The following UNC5C variants were observed in gnomAD, a reference collection of about 807,000 sequenced individuals.
UNC5C encodes the protein netrin receptor UNC5C.
UNC5C carries 47 observed loss-of-function variants against 99.8 expected under a neutral mutation model. The ratio of observed to expected loss-of-function variants is 0.47; its 90% CI spans 0.37 to 0.60. The LOEUF (loss-of-function observed/expected upper bound fraction) is 0.60. Ranked by LOEUF, UNC5C falls within the 20% of genes least tolerant of loss-of-function variation. The pLI, the probability that UNC5C is intolerant of heterozygous loss-of-function variation, is 0.00. For missense variants in UNC5C, 1,062 were observed against 1,165.9 expected, an observed-to-expected ratio of 0.91 and a Z score of 1.30; for synonymous variants, 487 against 452.2, an observed-to-expected ratio of 1.08 and a Z score of -0.98.
At chr4:95,462,755 A>G (rs1251477627) in intron 1 of UNC5C, among the ~76,000 whole-genome samples, 1 of 152,198 alleles carries the variant, frequency 6.6e-6, no homozygotes, top group Non-Finnish European at 1.5e-5. Context: ...AGTGTATTCA[A>G]ATAACTAACA....
At chr4:95,214,677 T>A (rs1166853447) in intron 10 of UNC5C, among the ~76,000 whole-genome samples, 1 of 152,204 alleles carries the variant, frequency 6.6e-6, no homozygotes, top group African/African-American at 2.4e-5. Flanking sequence ...TCAGGCATCT[T>A]ACTGTTTCTC....
At chr4:95,416,262 G>A (rs1309921692) in intron 1 of UNC5C, among the ~76,000 whole-genome samples, 1 of 152,082 alleles carries the variant, frequency 6.6e-6, no homozygotes, top group Non-Finnish European at 1.5e-5. Flanking sequence ...AAGAATACAG[G>A]CTAAATAAGA....
intron 1 of UNC5C, among the ~76,000 whole-genome samples, chr4:95,428,477 C>T (rs760335941): frequency 3.3e-5 from 5 of 152,060 alleles, no homozygotes; most frequent in Non-Finnish European, 5.9e-5. Context: ...ATGCAATTAT[C>T]CAGAAACATG....
At chr4:95,463,870 T>C (rs990145628) in intron 1 of UNC5C, among the ~76,000 whole-genome samples, 57 of 152,300 alleles carry the variant, frequency 3.7e-4, no homozygotes, top group East Asian at 3.9e-4. Context: ...GCAAAAGATA[T>C]GTGAACACAA....
At chr4:95,268,897 C>T (rs948025217) in intron 4 of UNC5C, among the ~76,000 whole-genome samples, 1 of 152,100 alleles carries the variant, frequency 6.6e-6, no homozygotes, top group African/African-American at 2.4e-5. Flanking sequence ...GAGATTTAGC[C>T]TAGAATCCTT....
At chr4:95,376,392 A>G (rs1744896887) in intron 1 of UNC5C, among the ~76,000 whole-genome samples, 1 of 152,100 alleles carries the variant, frequency 6.6e-6, no homozygotes, top group African/African-American at 2.4e-5. Flanking sequence ...TTCCTTTTAA[A>G]CATTAAAATC....
rs1447736714 is a variant in UNC5C at position 95,548,758 on chromosome 4, T to C, written c.100A>G (p.Ser34Gly). 1 of 1,612,834 alleles carries C rather than the reference T, an allele frequency of 6.2e-7. No homozygotes were observed. Among genetic ancestry groups the C allele is most frequent in the Non-Finnish European group, 8.5e-7 (1 of 1,179,708 alleles). Reference sequence around the variant, plus strand: ...CCTTGGGCGGCGGAGCCAGTGCCGCTGGCGCTGAGCAGGGCCAGGGCAGGT... The same window carrying C: ...CCTTGGGCGGCGGAGCCAGTGCCGCCGGCGCTGAGCAGGGCCAGGGCAGGT... ...VLPALALLSASGTGSAAQDDD... is the reference protein window; with the variant it reads ...VLPALALLSAGGTGSAAQDDD... The change falls in exon 1 of 16, where the codon AGC becomes GGC. Residue 34 changes from serine (S) to glycine (G), a missense_variant. Around this residue, in one of 3 missense-constraint regions of UNC5C, gnomAD observed 249 missense variants for 295.1 expected, o/e 0.84. Coordinates refer to ENST00000453304, the MANE Select transcript of UNC5C (RefSeq NM_003728.4).
At chr4:95,242,728 A>G (rs531764128) in intron 6 of UNC5C, 135 bp from the exon 7 acceptor site, 10 of 999,600 alleles carry the variant, frequency 1.0e-5, no homozygotes, top group Middle Eastern at 3.3e-4. Context: ...ATTCATTTCA[A>G]TTGCTGGGAA....
chr4:95,462,442 G>A (rs556764970), intron 1 of UNC5C, among the ~76,000 whole-genome samples: 125 of 152,160 alleles, frequency 8.2e-4, no homozygotes, highest in African/African-American at 2.9e-3. Flanking sequence ...TGCTCATAAA[G>A]GACCTTATCA....
At chr4:95,293,966 G>C (rs1213494339) in intron 3 of UNC5C, among the ~76,000 whole-genome samples, 1 of 152,064 alleles carries the variant, frequency 6.6e-6, no homozygotes, top group Non-Finnish European at 1.5e-5. Flanking sequence ...AACCACATGA[G>C]GCTTTCAAGC....
rs1208572734 is a variant in UNC5C at position 95,461,324 on chromosome 4, G to A, written c.124+87410C>T. Among the ~76,000 whole-genome samples the A allele has an allele frequency of 4.1e-5, 4 of 97,442 alleles. 1 individual carries two copies. Among genetic ancestry groups the A allele is most frequent in the Non-Finnish European group, 6.0e-5 (3 of 49,910 alleles). The allele number at this position is 97,442 out of a possible 152,430, so 63.9% of individuals were successfully genotyped here. On this transcript the variant is annotated intron_variant, in intron 1 of 15. Coordinates refer to ENST00000453304, the MANE Select transcript of UNC5C (RefSeq NM_003728.4). ...AACATGAAGCACAAGGCAAGAGCAA[G>A]TTGAATAGATGACAAAGGAGAGAAA... is the stretch of plus-strand genomic sequence containing the variant.
intron 1 of UNC5C, among the ~76,000 whole-genome samples, chr4:95,429,310 AC>A (rs1305296523): frequency 1.3e-5 from 2 of 151,606 alleles, no homozygotes; most frequent in East Asian, 1.9e-4. Flanking sequence ...AACAAAAAAA[AC>A]AAGCCAACAA....
At position 95,201,892 on chromosome 4, in the gene UNC5C, C is replaced by T. The variant is rs189037340; in HGVS notation, c.2136+839G>A. Reference sequence around the variant, plus strand: ...GTGCTAGGATTACAGGCGTGAGCCACCACACCCGGCCGAGGGTCTTTATTT... The same window carrying T: ...GTGCTAGGATTACAGGCGTGAGCCATCACACCCGGCCGAGGGTCTTTATTT... On this transcript the variant is annotated intron_variant, in intron 12 of 15. Transcript: ENST00000453304. 3.6e-3 allele frequency among the ~76,000 whole-genome samples: 551 copies of T among 152,322 alleles called. 2 individuals are homozygous for T. Among genetic ancestry groups the T allele is most frequent in the Non-Finnish European group, 5.9e-3 (403 of 68,022 alleles).
At chr4:95,323,944 G>A (rs1742792661) in intron 2 of UNC5C, among the ~76,000 whole-genome samples, 1 of 152,134 alleles carries the variant, frequency 6.6e-6, no homozygotes, top group Non-Finnish European at 1.5e-5. Flanking sequence ...GCTGAGGCAG[G>A]AGAATCGCTT....
At chr4:95,188,360 G>C (rs1736918360) in intron 12 of UNC5C, among the ~76,000 whole-genome samples, 2 of 152,164 alleles carry the variant, frequency 1.3e-5, no homozygotes, top group South Asian at 4.1e-4. Flanking sequence ...CAAAAACCAT[G>C]GTGTGAGTTA....
rs1016963554 is a variant in UNC5C at position 95,438,567 on chromosome 4, G to A, written c.125-102936C>T. ...GTTTTTAGCTTTTTGCTGATACATA[G>A]AGATAGCAATAATATAGTTATCACT... is the stretch of plus-strand genomic sequence containing the variant. On this transcript the variant is annotated intron_variant, in intron 1 of 15. Transcript: ENST00000453304. 5.3e-5 allele frequency among the ~76,000 whole-genome samples: 8 copies of A among 152,050 alleles called. 1 individual carries two copies. Among genetic ancestry groups the A allele is most frequent in the African/African-American group, 7.2e-5 (3 of 41,416 alleles).
chr4:95,365,592 T>A (rs1350129923), intron 1 of UNC5C, among the ~76,000 whole-genome samples: 1 of 151,968 alleles, frequency 6.6e-6, no homozygotes, highest in African/African-American at 2.4e-5. Flanking sequence ...ATGTTATTTC[T>A]AATGGCTCAA....
At chr4:95,185,719 C>T (rs916502298) in intron 12 of UNC5C, among the ~76,000 whole-genome samples, 4 of 152,048 alleles carry the variant, frequency 2.6e-5, no homozygotes, top group African/African-American at 9.7e-5. Context: ...CTTATAGTTA[C>T]TTCAAGTACA....
At chr4:95,541,721 T>C (rs1722926376) in intron 1 of UNC5C, among the ~76,000 whole-genome samples, 1 of 152,096 alleles carries the variant, frequency 6.6e-6, no homozygotes, top group Non-Finnish European at 1.5e-5. Flanking sequence ...TATGGATATA[T>C]CCCTTACAAC....
Sources: allele counts gnomAD v4.1 joint callset (sites outside exome capture counted in the v4.1 genomes callset), GRCh38; gene constraint gnomAD v4.1.1; regional missense constraint gnomAD v4.1.1; transcripts MANE v1.5; gene names NCBI Gene and HGNC (gene_info 2026-07-23, HGNC 2026-07-21).